The following NTNG1 variants were observed in gnomAD, a reference collection of about 807,000 sequenced individuals.
NTNG1 encodes the protein netrin G1, also known as netrin-G1.
In NTNG1, 16 loss-of-function variants were observed where a neutral mutation model predicts 54.0. The observed-to-expected ratio is 0.30, with a 90% CI of 0.20 to 0.45. The LOEUF (loss-of-function observed/expected upper bound fraction) is 0.45. Ranked by LOEUF, NTNG1 falls within the 20% of genes least tolerant of loss-of-function variation. The pLI is 1.00. For synonymous variants in NTNG1, 255 were observed against 263.1 expected (o/e 0.97, Z 0.30); for missense variants, 530 against 678.7 (o/e 0.78, Z 2.43).
chr1:107,317,806 A>C (rs1031192805), intron 2 of NTNG1, among the ~76,000 whole-genome samples: 1 of 152,208 alleles, frequency 6.6e-6, no homozygotes, highest in African/African-American at 2.4e-5. Flanking sequence ...TGCAACTTCA[A>C]TCAGGCCCTA....
chr1:107,464,898 G>A (rs534689729), intron 7 of NTNG1, among the ~76,000 whole-genome samples: 83 of 152,268 alleles, frequency 5.5e-4, no homozygotes, highest in Admixed American at 9.8e-4. Context: ...AAGCAGAGCT[G>A]AGATGCCCAC....
chr1:107,245,218 A>C (rs1383796622), intron 2 of NTNG1, among the ~76,000 whole-genome samples: 2 of 152,240 alleles, frequency 1.3e-5, no homozygotes, highest in Admixed American at 6.5e-5. Flanking sequence ...TAGATGACTA[A>C]AAATCCAGTG....
At chr1:107,408,013 T>G in intron 5 of NTNG1, 14 of 552,170 alleles carry the variant, frequency 2.5e-5, no homozygotes, top group South Asian at 2.2e-4. Context: ...AAAATATAAG[T>G]AGTCCTATTT....
intron 2 of NTNG1, among the ~76,000 whole-genome samples, chr1:107,312,735 T>C (rs1235904187): frequency 6.6e-6 from 1 of 152,208 alleles, no homozygotes; most frequent in Non-Finnish European, 1.5e-5. Context: ...CCAGGCATTT[T>C]TTATGCACCT....
chr1:107,271,397 A>G (rs191785015), intron 2 of NTNG1, among the ~76,000 whole-genome samples: 14 of 152,274 alleles, frequency 9.2e-5, no homozygotes, highest in African/African-American at 3.1e-4. Flanking sequence ...GGCCTTTATT[A>G]CTATTGTTTG....
intron 3 of NTNG1, among the ~76,000 whole-genome samples, chr1:107,327,754 G>A (rs983020563): frequency 6.6e-6 from 1 of 152,090 alleles, no homozygotes; most frequent in African/African-American, 2.4e-5. Context: ...TGGAAAAGTA[G>A]AATGGAGACC....
At chr1:107,455,812 C>G (rs1436920347) in intron 7 of NTNG1, among the ~76,000 whole-genome samples, 5 of 152,222 alleles carry the variant, frequency 3.3e-5, no homozygotes, top group Non-Finnish European at 2.9e-5. Context: ...GGTAAGAATT[C>G]TCTTCATCAT....
intron 7 of NTNG1, 35 bp from the exon 8 acceptor site, chr1:107,480,576 G>A: frequency 1.2e-5 from 4 of 339,098 alleles, no homozygotes; most frequent in African/African-American, 2.7e-5. Context: ...TCCTCCCCGC[G>A]CCCACCCACC....
chr1:107,286,025 T>C (rs1441541388), intron 2 of NTNG1, among the ~76,000 whole-genome samples: 1 of 152,166 alleles, frequency 6.6e-6, no homozygotes, highest in Non-Finnish European at 1.5e-5. Flanking sequence ...GAAGAGGCTG[T>C]AGGAGATCTG....
At chr1:107,348,113 TTTATTA>T (rs147243583) in intron 3 of NTNG1, among the ~76,000 whole-genome samples, 14,679 of 148,230 alleles carry the variant, frequency 0.099, 841 homozygotes, top group East Asian at 0.16. Flanking sequence ...TTTGTTTGCT[TTTATTA>T]TTATTATTAT....
At chr1:107,216,678 G>T (rs918593420) in intron 2 of NTNG1, among the ~76,000 whole-genome samples, 2 of 151,128 alleles carry the variant, frequency 1.3e-5, no homozygotes, top group South Asian at 4.2e-4. Context: ...ATTTAAGGAG[G>T]ATTCCCTCTT....
chr1:107,328,238 A>T (rs1668077644), intron 3 of NTNG1, among the ~76,000 whole-genome samples: 1 of 152,172 alleles, frequency 6.6e-6, no homozygotes, highest in Admixed American at 6.6e-5. Context: ...GTCCTGCTTC[A>T]GTAAATCACG....
chr1:107,334,285 T>C (rs1354623433), intron 3 of NTNG1, among the ~76,000 whole-genome samples: 1 of 152,038 alleles, frequency 6.6e-6, no homozygotes, highest in African/African-American at 2.4e-5. Flanking sequence ...CTGAACATTG[T>C]ATATAGCTAA....
chr1:107,404,161 A>G (rs1046835175), intron 4 of NTNG1, among the ~76,000 whole-genome samples: 11 of 151,590 alleles, frequency 7.3e-5, no homozygotes, highest in African/African-American at 2.7e-4. Flanking sequence ...AGAATTGTAC[A>G]CATTTTATGT....
intron 2 of NTNG1, among the ~76,000 whole-genome samples, chr1:107,277,226 C>T (rs1184828671): frequency 1.3e-5 from 2 of 152,124 alleles, no homozygotes; most frequent in African/African-American, 4.8e-5. Flanking sequence ...GGGAGCAACC[C>T]TTAGCAGTAT....
intron 7 of NTNG1, among the ~76,000 whole-genome samples, chr1:107,466,718 C>T (rs984783993): frequency 3.9e-5 from 6 of 152,154 alleles, no homozygotes; most frequent in African/African-American, 1.4e-4. Context: ...CATAGCCTCC[C>T]AGTTGTATCC....
At chr1:107,364,955 AAACAAAAT>A (rs1427697011) in intron 3 of NTNG1, among the ~76,000 whole-genome samples, 25 of 152,216 alleles carry the variant, frequency 1.6e-4, no homozygotes, top group African/African-American at 4.1e-4. Flanking sequence ...CACTGATGGG[AAACAAAAT>A]AATTTATATG....
At chr1:107,381,139 T>C (rs1348192214) in intron 3 of NTNG1, among the ~76,000 whole-genome samples, 1 of 151,980 alleles carries the variant, frequency 6.6e-6, no homozygotes, top group Non-Finnish European at 1.5e-5. Context: ...ACTCATGTGG[T>C]GTTGATGGTG....
intron 3 of NTNG1, among the ~76,000 whole-genome samples, chr1:107,372,396 A>G (rs550690371): frequency 1.3e-5 from 2 of 152,136 alleles, no homozygotes; most frequent in Admixed American, 1.3e-4. Context: ...AAATCTCAAA[A>G]GGGAAACTTT....
Sources: gnomAD v4.1 joint callset for allele counts (sites outside exome capture counted in the v4.1 genomes callset) on GRCh38, gnomAD v4.1.1 for gene constraint, MANE v1.5 for transcripts, NCBI Gene and HGNC (gene_info 2026-07-23, HGNC 2026-07-21) for gene names.